The following DMD variants were observed in gnomAD, a reference collection of about 807,000 sequenced individuals.
DMD encodes the protein dystrophin.
DMD carries 63 observed loss-of-function variants against 330.1 expected under a neutral mutation model. That is an observed-to-expected ratio of 0.19 (90% CI 0.16 to 0.24). The LOEUF (loss-of-function observed/expected upper bound fraction) is 0.24. Among genes scored for constraint, DMD ranks in the 10% least tolerant of loss-of-function variants. The probability of loss-of-function intolerance (pLI) is 1.00; values close to 1 mark genes in which losing one functional copy is unlikely to be tolerated. For missense variants in DMD, 3,344 were observed against 2,684.1 expected, an observed-to-expected ratio of 1.25 and a Z score of -5.43; for synonymous variants, 1,223 against 959.8, an observed-to-expected ratio of 1.27 and a Z score of -5.07.
intron 42 of DMD, among the ~76,000 whole-genome samples, chrX:32,307,867 A>C (rs2097546369): frequency 9.0e-6 from 1 of 111,226 alleles, no homozygotes; most frequent in East Asian, 2.8e-4. Context: ...ATTGCTCTAA[A>C]CTTCCAAAAA....
chrX:31,388,295 G>A (rs1175958818), intron 60 of DMD, among the ~76,000 whole-genome samples: 1 of 110,454 alleles, frequency 9.1e-6, no homozygotes, highest in Non-Finnish European at 1.9e-5. Context: ...GAGCCACCAC[G>A]CCCGGCCTAT....
In DMD at chrX:31,225,961, T is replaced by C. The variant is rs1262093202; in HGVS notation, c.9287-2840A>G. ...ACAGAACTTGTACTGAGACTTGCTT[T>C]CTTTATAACCTGGCAGCCGAGAGGT... On this transcript the variant is annotated intron_variant, in intron 63 of 78. Transcript: ENST00000357033. 5.3e-5 allele frequency among the ~76,000 whole-genome samples: 6 copies of C among 112,305 alleles called. No individual in the cohort carries two copies. In the East Asian group the frequency reaches 1.7e-3, roughly 31 times the overall value.
intron 1 of DMD, among the ~76,000 whole-genome samples, chrX:33,314,933 C>T (rs774022254): frequency 1.2e-4 from 13 of 111,241 alleles, no homozygotes; most frequent in African/African-American, 3.9e-4. Flanking sequence ...ATTCTCCTGC[C>T]TCAGCCTCCC....
intron 33 of DMD, among the ~76,000 whole-genome samples, chrX:32,385,791 T>C (rs1268383696): frequency 9.1e-6 from 1 of 110,234 alleles, no homozygotes; most frequent in Non-Finnish European, 1.9e-5. Flanking sequence ...TAGCCAAGTG[T>C]GGTAGATTTT....
intron 55 of DMD, among the ~76,000 whole-genome samples, chrX:31,539,745 A>G (rs1370143831): frequency 8.9e-6 from 1 of 112,175 alleles, no homozygotes; most frequent in Admixed American, 9.5e-5. Flanking sequence ...ATGGCAGCAG[A>G]ATACTTGCAA....
In DMD at chrX:32,345,996, C is replaced by T. The variant is rs1354256883; in HGVS notation, c.5533G>A (p.Glu1845Lys). The T allele has an allele frequency of 8.3e-7, 1 of 1,209,165 alleles. No homozygotes were observed. The highest frequency in any genetic ancestry group is 1.8e-5 in the South Asian group (1 of 56,904). ...QQRITDERKR[E>K]EIKIKQQLLQ... ...AGCTGCTGTTTTATCTTTATTTCCT[C>T]TCGCTTTCTCTCATCTGTGATTCTT... The change falls in exon 39 of 79, where the codon GAG becomes AAG. Residue 1845 changes from glutamate to lysine, a missense_variant. Transcript: ENST00000357033.
At chrX:32,852,269 A>G (rs2081198966) in intron 2 of DMD, among the ~76,000 whole-genome samples, 1 of 111,654 alleles carries the variant, frequency 9.0e-6, no homozygotes, top group Non-Finnish European at 1.9e-5. Flanking sequence ...CCTGAGTGAC[A>G]TTCTTAAATA....
At chrX:32,467,689 A>G (rs1237958035) in intron 23 of DMD, among the ~76,000 whole-genome samples, 13 of 106,059 alleles carry the variant, frequency 1.2e-4, no homozygotes, top group African/African-American at 4.7e-4. Flanking sequence ...GTGTGTATAT[A>G]TATACATATA....
chrX:31,788,913 G>A (rs6631401), intron 50 of DMD, among the ~76,000 whole-genome samples: 39,491 of 108,158 alleles, frequency 0.37, 5,246 homozygotes, highest in East Asian at 0.44. Flanking sequence ...GTTTCCATTT[G>A]CATGGAAACC....
At position 31,522,363 on chromosome X, in the gene DMD, C is replaced by CTCTCTCTCTATATATATATA; in HGVS notation, c.8218-14911_8218-14910insTATATATATATAGAGAGAGA. On this transcript the variant is annotated intron_variant, in intron 55 of 78. Coordinates refer to ENST00000357033, the MANE Select transcript of DMD (RefSeq NM_004006.3). ...TCTCTCTCTCTCTCTCTCTCTCTCTCTATATATATATATATATATATATAG... is the reference window on the plus strand; with the variant it reads ...TCTCTCTCTCTCTCTCTCTCTCTCTCTCTCTCTCTATATATATATATATATATATATATATATATATATAG... 1.4e-3 allele frequency among the ~76,000 whole-genome samples: 52 copies of CTCTCTCTCTATATATATATA among 35,956 alleles called. 1 individual carries two copies. Among genetic ancestry groups the CTCTCTCTCTATATATATATA allele is most frequent in the African/African-American group, 1.7e-3 (9 of 5,288 alleles). The allele number at this position is 35,956 out of a possible 115,157, so 31.2% of individuals were successfully genotyped here. A position where few individuals can be genotyped will look rare whatever the true frequency, so the allele number is the denominator to read the frequency against.
At chrX:32,057,562 T>C (rs2096187379) in intron 44 of DMD, among the ~76,000 whole-genome samples, 1 of 110,885 alleles carries the variant, frequency 9.0e-6, no homozygotes, top group Admixed American at 9.6e-5. Flanking sequence ...ACCAAGAAGG[T>C]AAAAGATGTG....
chrX:31,565,839 T>C (rs1428091476), intron 55 of DMD, among the ~76,000 whole-genome samples: 1 of 112,391 alleles, frequency 8.9e-6, no homozygotes, highest in Admixed American at 9.4e-5. Flanking sequence ...ATAATAATTT[T>C]AATTTGCATT....
rs2032365135 is a variant in DMD at position 31,120,959 on chromosome X, C to A, written c.*960G>T. On this transcript the variant is annotated 3_prime_UTR_variant, in exon 79 of 79. Transcript: ENST00000357033. ...ATTCACATGTTCCCTTTAAAAAAAT[C>A]CAATACTTTACTTTACTTTCGTTGT... 1 of 110,859 alleles carries A rather than the reference C, an allele frequency of 9.0e-6. No homozygotes were observed. Among genetic ancestry groups the A allele is most frequent in the South Asian group, 3.8e-4 (1 of 2,599 alleles). The allele number at this position is 110,859 out of a possible 1,213,427, so 9.1% of individuals were successfully genotyped here.
chrX:32,781,179 A>G (rs1037750717), intron 7 of DMD, among the ~76,000 whole-genome samples: 4 of 109,829 alleles, frequency 3.6e-5, no homozygotes, highest in African/African-American at 1.3e-4. Context: ...GCTGTGAATA[A>G]TAAAGGTCCC....
intron 2 of DMD, among the ~76,000 whole-genome samples, chrX:32,862,346 G>GTGCATTCGAA (rs780800248): frequency 1.1e-3 from 124 of 112,073 alleles, no homozygotes; most frequent in African/African-American, 3.6e-3. Flanking sequence ...TCAAACAGAT[G>GTGCATTCGAA]TGCATTCGAA....
intron 51 of DMD, 110 bp from the exon 52 acceptor site, chrX:31,729,858 T>A: frequency 1.6e-6 from 1 of 626,545 alleles, no homozygotes; most frequent in Non-Finnish European, 2.7e-6. Flanking sequence ...CTTTTAGAAA[T>A]AAAAAAGATG....
chrX:32,773,955 C>G lies in DMD; in HGVS notation c.649+35538G>C, dbSNP rs185790308. Among the ~76,000 whole-genome samples the G allele has an allele frequency of 5.0e-4, 56 of 111,467 alleles. 1 individual carries two copies. Among genetic ancestry groups the G allele is most frequent in the African/African-American group, 1.7e-3 (53 of 30,694 alleles). On this transcript the variant is annotated intron_variant, in intron 7 of 78. Transcript: ENST00000357033. Reference sequence around the variant, plus strand: ...ACTTGCAATGTGTGATATCTGATATCTGGCCCATCCTGGAACAGAAGAAAT... The same window carrying G: ...ACTTGCAATGTGTGATATCTGATATGTGGCCCATCCTGGAACAGAAGAAAT...
At chrX:31,166,870 A>G (rs974612758) in intron 74 of DMD, among the ~76,000 whole-genome samples, 1 of 112,094 alleles carries the variant, frequency 8.9e-6, no homozygotes, top group Non-Finnish European at 1.9e-5. Flanking sequence ...AAGGTAACTT[A>G]CACAAAGATT....
intron 44 of DMD, among the ~76,000 whole-genome samples, chrX:32,044,051 G>A (rs2096035546): frequency 9.0e-6 from 1 of 111,668 alleles, no homozygotes. Flanking sequence ...CATGACACTG[G>A]GAAGAGAGTA....
Sources: allele counts gnomAD v4.1 joint callset (sites outside exome capture counted in the v4.1 genomes callset), GRCh38; gene constraint gnomAD v4.1.1; transcripts MANE v1.5; gene names NCBI Gene and HGNC (gene_info 2026-07-23, HGNC 2026-07-21).